The following ZNF385C variants were observed in gnomAD, a reference collection of about 807,000 sequenced individuals.
The protein encoded by ZNF385C is zinc finger protein 385C.
In ZNF385C, 28 loss-of-function variants were observed where a neutral mutation model predicts 35.4. The observed-to-expected ratio is 0.79, with a 90% CI of 0.59 to 1.08. The LOEUF (loss-of-function observed/expected upper bound fraction) is 1.08, where lower values mean the gene tolerates loss of function less well. Ranked by LOEUF, ZNF385C falls within the 50% of genes least tolerant of loss-of-function variation. The pLI is 0.00. For synonymous variants in ZNF385C, 248 were observed against 248.2 expected (o/e 1.00, Z 0.01); for missense variants, 605 against 595.6 (o/e 1.02, Z -0.16).
chr17:42,055,972 G>A (rs1187360812), intron 2 of ZNF385C, among the ~76,000 whole-genome samples: 1 of 152,182 alleles, frequency 6.6e-6, no homozygotes, highest in South Asian at 2.1e-4. Flanking sequence ...TAGTGTAGCT[G>A]CAGCCTTCTT....
At chr17:42,073,456 C>A (rs1173152348) in intron 1 of ZNF385C, among the ~76,000 whole-genome samples, 1 of 152,020 alleles carries the variant, frequency 6.6e-6, no homozygotes, top group Non-Finnish European at 1.5e-5. Context: ...GGTTGTGGAC[C>A]TTAAGTAACT....
At position 42,050,941 on chromosome 17, in the gene ZNF385C, G is replaced by A. The variant is rs2053271049; in HGVS notation, c.250+11866C>T. Among the ~76,000 whole-genome samples the A allele has an allele frequency of 6.6e-6, 1 of 152,168 alleles. No homozygotes were observed. The highest frequency in any genetic ancestry group is 1.5e-5 in the Non-Finnish European group (1 of 68,016). On this transcript the variant is annotated intron_variant, in intron 2 of 8. Coordinates refer to ENST00000692273, the MANE Select transcript of ZNF385C (RefSeq NM_001392013.1). The surrounding 1 kb of genome is among the most constrained non-coding windows in gnomAD (Gnocchi z 5.6). Reference sequence around the variant, plus strand: ...TAGAGCGCGGTAGAGGCTGCAAAGTGTTCTGAGAGTTTGGAAGCAAGTGCT... The same window carrying A: ...TAGAGCGCGGTAGAGGCTGCAAAGTATTCTGAGAGTTTGGAAGCAAGTGCT...
Position 42,047,321 on chromosome 17 carries a change from T to C in ZNF385C, c.251-9436A>G, listed in dbSNP as rs189960628. 2.6e-5 allele frequency among the ~76,000 whole-genome samples: 4 copies of C among 151,954 alleles called. No individual in the cohort carries two copies. In the East Asian group the frequency reaches 7.8e-4, roughly 29 times the overall value. On this transcript the variant is annotated intron_variant, in intron 2 of 8. Transcript: ENST00000692273. ...TGCTGGGATTACAGGTGTGAGCCAC[T>C]GCGCCTGGCCCCGGCTAATTTTTTT...
chr17:42,037,867 G>A lies in ZNF385C; in HGVS notation c.269C>T (p.Ala90Val). The A allele has an allele frequency of 6.6e-7, 1 of 1,521,654 alleles. No individual in the cohort carries two copies. The highest frequency in any genetic ancestry group is 8.8e-7 in the Non-Finnish European group (1 of 1,131,542). 94.3% of individuals were successfully genotyped at this position (1,521,654 alleles called of 1,614,324 possible). ...CAGGGAGGCCAGCAGGGGGCTGGGG[G>A]CGCCGGAGGCCGGGCCTGCTGCAGG... ...PSGPAGPASG[A>V]PSPLLASLPL... Residue 90 changes from alanine (A) to valine (V), a missense_variant, in exon 3 of 9, where the codon GCC becomes GTC. Coordinates refer to ENST00000692273, the MANE Select transcript of ZNF385C (RefSeq NM_001392013.1).
intron 1 of ZNF385C, among the ~76,000 whole-genome samples, chr17:42,069,306 G>A (rs571768016): frequency 2.9e-4 from 44 of 152,258 alleles, no homozygotes; most frequent in Non-Finnish European, 5.1e-4. Context: ...GGGCTCTGGG[G>A]TCCCATCTCC....
intron 1 of ZNF385C, among the ~76,000 whole-genome samples, chr17:42,087,109 C>A (rs2053817924): frequency 6.6e-6 from 1 of 152,092 alleles, no homozygotes; most frequent in South Asian, 2.1e-4. Flanking sequence ...AGGCGTGAGG[C>A]CTGTATACTT....
intron 1 of ZNF385C, among the ~76,000 whole-genome samples, chr17:42,082,440 G>C (rs2053758939): frequency 2.0e-5 from 3 of 152,244 alleles, no homozygotes; most frequent in Non-Finnish European, 2.9e-5. Context: ...TGGCAGTGTG[G>C]TGACTGGCTC....
intron 1 of ZNF385C, among the ~76,000 whole-genome samples, chr17:42,073,790 A>G (rs1331915498): frequency 6.6e-6 from 1 of 152,240 alleles, no homozygotes; most frequent in Non-Finnish European, 1.5e-5. Context: ...GAAAGCGGAC[A>G]CAGAGGGCTC....
chr17:42,043,955 C>T (rs1555656365), intron 2 of ZNF385C, among the ~76,000 whole-genome samples: 1 of 151,868 alleles, frequency 6.6e-6, no homozygotes, highest in Non-Finnish European at 1.5e-5. Context: ...AGGACTAAAA[C>T]TCAGAACTCT....
chr17:42,091,010 A>G (rs2053859843), intron 1 of ZNF385C, among the ~76,000 whole-genome samples: 1 of 152,140 alleles, frequency 6.6e-6, no homozygotes, highest in Non-Finnish European at 1.5e-5. Context: ...GAATGAGTAA[A>G]TCAGTGTCAC....
At chr17:42,041,701 C>T (rs1417127671) in intron 2 of ZNF385C, among the ~76,000 whole-genome samples, 2 of 152,198 alleles carry the variant, frequency 1.3e-5, no homozygotes, top group African/African-American at 4.8e-5. Flanking sequence ...CAACTCCCAA[C>T]CAGTCACCCT....
At chr17:42,087,499 C>T (rs2053821104) in intron 1 of ZNF385C, among the ~76,000 whole-genome samples, 1 of 152,226 alleles carries the variant, frequency 6.6e-6, no homozygotes, top group Non-Finnish European at 1.5e-5. Context: ...AGGATAATTT[C>T]ACAAAGTCCC....
intron 5 of ZNF385C, among the ~76,000 whole-genome samples, chr17:42,029,759 C>T (rs1183894316): frequency 4.6e-5 from 7 of 151,344 alleles, no homozygotes; most frequent in African/African-American, 9.7e-5. Flanking sequence ...ATGGGCCAGA[C>T]GCAGTGGCTC....
chr17:42,045,280 T>C (rs1481692464), intron 2 of ZNF385C, among the ~76,000 whole-genome samples: 1 of 152,196 alleles, frequency 6.6e-6, no homozygotes, highest in African/African-American at 2.4e-5. Context: ...CTCGATCTCC[T>C]GACCTTGTGA....
At chr17:42,086,347 G>C (rs1056516872) in intron 1 of ZNF385C, among the ~76,000 whole-genome samples, 1 of 151,772 alleles carries the variant, frequency 6.6e-6, no homozygotes, top group Admixed American at 6.6e-5. Flanking sequence ...AGCTGAGATC[G>C]CTTCGGCCTG....
intron 2 of ZNF385C, among the ~76,000 whole-genome samples, chr17:42,055,494 C>T (rs2143798244): frequency 6.6e-6 from 1 of 152,022 alleles, no homozygotes; most frequent in Non-Finnish European, 1.5e-5. Context: ...CACCTGCCAC[C>T]AAGGGAGAAT....
At chr17:42,069,791 C>T (rs2053598330) in intron 1 of ZNF385C, among the ~76,000 whole-genome samples, 1 of 152,242 alleles carries the variant, frequency 6.6e-6, no homozygotes, top group Non-Finnish European at 1.5e-5. Context: ...GCCTGTAATC[C>T]CAGCACTTTG....
At chr17:42,092,877 A>C (rs1450952738) in intron 1 of ZNF385C, among the ~76,000 whole-genome samples, 1 of 150,320 alleles carries the variant, frequency 6.7e-6, no homozygotes, top group East Asian at 2.0e-4. Context: ...AAGGGTAGAG[A>C]AGTCTGGGGC....
intron 2 of ZNF385C, among the ~76,000 whole-genome samples, chr17:42,054,838 T>A (rs1367633854): frequency 6.6e-6 from 1 of 152,108 alleles, no homozygotes; most frequent in Non-Finnish European, 1.5e-5. Flanking sequence ...TGCCTTGGCC[T>A]CCCAAAGTGT....
Sources: allele counts gnomAD v4.1 joint callset (sites outside exome capture counted in the v4.1 genomes callset), GRCh38; gene constraint gnomAD v4.1.1; non-coding constraint Gnocchi (gnomAD v3.1); transcripts MANE v1.5; gene names NCBI Gene and HGNC (gene_info 2026-07-23, HGNC 2026-07-21).